The following YEATS4 variants were observed in gnomAD, a reference collection of about 807,000 sequenced individuals.
YEATS4 encodes the protein YEATS domain containing 4, also known as YEATS domain-containing protein 4.
YEATS4 carries 17 observed loss-of-function variants against 30.1 expected under a neutral mutation model. That is an observed-to-expected ratio of 0.56 (90% confidence interval 0.39 to 0.85). The LOEUF is 0.85. YEATS4 is among the 40% of genes least tolerant of loss of function. The pLI is 0.00. For synonymous variants in YEATS4, 85 were observed against 87.5 expected (o/e 0.97, Z 0.16); for missense variants, 142 against 268.3 (o/e 0.53, Z 3.29).
At chr12:69,380,304 T>A (rs962416270) in intron 6 of YEATS4, among the ~76,000 whole-genome samples, 8 of 152,262 alleles carry the variant, frequency 5.3e-5, no homozygotes, top group Admixed American at 1.3e-4. Context: ...CAGCCATATC[T>A]GCATTAGGGG....
intron 1 of YEATS4, 120 bp downstream of exon 1, chr12:69,360,143 G>C: frequency 8.5e-7 from 1 of 1,171,110 alleles, no homozygotes; most frequent in Non-Finnish European, 1.2e-6. Flanking sequence ...TTTGAACCGT[G>C]GTTTCAGGTT....
intron 4 of YEATS4, among the ~76,000 whole-genome samples, chr12:69,370,082 A>G (rs1875581984): frequency 6.6e-6 from 1 of 152,182 alleles, no homozygotes; most frequent in Middle Eastern, 3.2e-3. Context: ...CAGAACTTCA[A>G]CATGAAGTCT....
At chr12:69,389,849 C>T (rs1868296002) in intron 6 of YEATS4, among the ~76,000 whole-genome samples, 2 of 151,902 alleles carry the variant, frequency 1.3e-5, no homozygotes, top group South Asian at 2.1e-4. Flanking sequence ...GTTTGTGTGC[C>T]CCCTTATTTC....
At chr12:69,381,035 A>C (rs1052794727) in intron 6 of YEATS4, among the ~76,000 whole-genome samples, 1 of 152,234 alleles carries the variant, frequency 6.6e-6, no homozygotes, top group Non-Finnish European at 1.5e-5. Context: ...TTTTGGGCAC[A>C]TATTGTCATT....
intron 2 of YEATS4, 93 bp from the exon 3 acceptor site, chr12:69,365,540 G>GT (rs1875393607): frequency 1.2e-6 from 1 of 830,498 alleles, no homozygotes; most frequent in Non-Finnish European, 1.9e-6. Flanking sequence ...AGGGAAGTAT[G>GT]TTTTTTATAA....
intron 2 of YEATS4, 102 bp from the exon 3 acceptor site, chr12:69,365,531 G>A (rs1459167124): frequency 2.7e-6 from 2 of 748,042 alleles, no homozygotes; most frequent in Admixed American, 2.9e-5. Flanking sequence ...AAAATTTGAA[G>A]GGAAGTATGT....
the YEATS4 span, among the ~76,000 whole-genome samples, chr12:69,419,033 A>ATATG: frequency 1.4e-5 from 2 of 145,448 alleles, no homozygotes; most frequent in Admixed American, 1.4e-4. Flanking sequence ...ATATATATAT[A>ATATG]TGTATATGAG....
chr12:69,423,283 G>A, the YEATS4 span, among the ~76,000 whole-genome samples: 4 of 152,022 alleles, frequency 2.6e-5, no homozygotes, highest in Admixed American at 6.6e-5. Context: ...TCTGGGTACC[G>A]GGCTAAACTC....
the YEATS4 span, among the ~76,000 whole-genome samples, chr12:69,425,015 G>T: frequency 1.3e-5 from 2 of 152,184 alleles, no homozygotes; most frequent in Non-Finnish European, 2.9e-5. Context: ...CGCCTCCTGG[G>T]TTCAAGCAAT....
At chr12:69,361,326 C>CACT (rs1266167200) in intron 1 of YEATS4, 3 of 151,906 alleles carry the variant, frequency 2.0e-5, no homozygotes, top group African/African-American at 7.3e-5. Context: ...GGCTGGAGTG[C>CACT]ACTAGCGCAA....
chr12:69,381,438 C>G (rs963722288), intron 6 of YEATS4, among the ~76,000 whole-genome samples: 22 of 152,146 alleles, frequency 1.4e-4, no homozygotes, highest in Non-Finnish European at 2.8e-4. Flanking sequence ...TCATATTGTT[C>G]AAACACACAT....
At chr12:69,419,802 G>A in the YEATS4 span, among the ~76,000 whole-genome samples, 2 of 152,204 alleles carry the variant, frequency 1.3e-5, 1 homozygote, top group Admixed American at 1.3e-4. Flanking sequence ...GTGACAGATG[G>A]CATTGCTAGT....
chr12:69,376,529 G>T (rs1344823240), intron 6 of YEATS4, among the ~76,000 whole-genome samples: 2 of 152,164 alleles, frequency 1.3e-5, no homozygotes, highest in East Asian at 3.8e-4. Flanking sequence ...TGCTCATGTT[G>T]AGCGATTCTT....
intron 4 of YEATS4, among the ~76,000 whole-genome samples, 200 bp downstream of exon 4, chr12:69,366,084 A>G (rs1875418129): frequency 6.6e-6 from 1 of 152,098 alleles, no homozygotes; most frequent in African/African-American, 2.4e-5. Flanking sequence ...GGAAAAAAAC[A>G]TATAATATGA....
chr12:69,424,309 G>C, the YEATS4 span, among the ~76,000 whole-genome samples: 1 of 152,218 alleles, frequency 6.6e-6, no homozygotes, highest in East Asian at 1.9e-4. Flanking sequence ...CCTGCTACAG[G>C]GGTCACTCAG....
intron 6 of YEATS4, among the ~76,000 whole-genome samples, chr12:69,372,878 A>G (rs1174094350): frequency 1.5e-5 from 1 of 68,876 alleles, no homozygotes; most frequent in Non-Finnish European, 3.1e-5. Context: ...AAGTGAGAAT[A>G]TATAATGTTT....
the YEATS4 span, among the ~76,000 whole-genome samples, chr12:69,410,929 T>C: frequency 2.0e-4 from 31 of 152,298 alleles, no homozygotes; most frequent in African/African-American, 7.5e-4. Flanking sequence ...TTAAATGAAA[T>C]CTTTCTAGGA....
At chr12:69,378,452 T>TG (rs768762884) in intron 6 of YEATS4, among the ~76,000 whole-genome samples, 4 of 152,186 alleles carry the variant, frequency 2.6e-5, no homozygotes, top group Non-Finnish European at 4.4e-5. Context: ...TCTTTCTTCT[T>TG]TCCTTCCTTC....
chr12:69,377,344 T>C (rs1222383850), intron 6 of YEATS4, among the ~76,000 whole-genome samples: 1 of 152,218 alleles, frequency 6.6e-6, no homozygotes, highest in African/African-American at 2.4e-5. Flanking sequence ...GCTTTTGCTG[T>C]GTTGTTTCCA....
Sources: gnomAD v4.1 joint callset for allele counts (sites outside exome capture counted in the v4.1 genomes callset) on GRCh38, gnomAD v4.1.1 for gene constraint, MANE v1.5 for transcripts, NCBI Gene and HGNC (gene_info 2026-07-23, HGNC 2026-07-21) for gene names.